Variants in TSPAN15 observed in about 807,000 individuals in gnomAD.
TSPAN15 encodes the protein tetraspanin 15, also known as tetraspanin-15.
TSPAN15 carries 20 observed loss-of-function variants against 34.5 expected under a neutral mutation model. The ratio of observed to expected loss-of-function variants is 0.58; its 90% CI spans 0.41 to 0.84. The LOEUF (loss-of-function observed/expected upper bound fraction) is 0.84, where lower values mean the gene tolerates loss of function less well. Among genes scored for constraint, TSPAN15 ranks in the 40% least tolerant of loss-of-function variants. The pLI is 0.00. For missense variants in TSPAN15, 313 were observed against 386.1 expected (o/e 0.81, Z 1.59); for synonymous variants, 155 against 153.9 (o/e 1.01, Z -0.05).
chr10:69,452,411 C>A (rs1478406758), intron 1 of TSPAN15, among the ~76,000 whole-genome samples: 1 of 152,088 alleles, frequency 6.6e-6, no homozygotes, highest in East Asian at 1.9e-4. Context: ...CTGTATCGTT[C>A]CAATTTCAGT....
chr10:69,534,543 A>G, the TSPAN15 span, among the ~76,000 whole-genome samples: 1 of 152,226 alleles, frequency 6.6e-6, no homozygotes, highest in Non-Finnish European at 1.5e-5. Context: ...TAGTATGACT[A>G]TTCTGATACT....
At chr10:69,540,218 C>G in the TSPAN15 span, among the ~76,000 whole-genome samples, 1,333 of 152,068 alleles carry the variant, frequency 8.8e-3, 15 homozygotes, top group African/African-American at 0.029. Context: ...CGGTGAAACC[C>G]CATCTCTACA....
intron 1 of TSPAN15, among the ~76,000 whole-genome samples, chr10:69,481,689 C>T (rs1841738260): frequency 6.6e-6 from 1 of 152,228 alleles, no homozygotes; most frequent in African/African-American, 2.4e-5. Flanking sequence ...TGGCTATGCT[C>T]ATGTCACCTC....
At chr10:69,480,131 C>G (rs896384212) in intron 1 of TSPAN15, among the ~76,000 whole-genome samples, 4 of 152,174 alleles carry the variant, frequency 2.6e-5, no homozygotes, top group African/African-American at 9.7e-5. Context: ...GAAGAAGCCA[C>G]TGACTGCCTT....
At chr10:69,486,067 G>A (rs763917150) in intron 3 of TSPAN15, among the ~76,000 whole-genome samples, 15 of 152,176 alleles carry the variant, frequency 9.9e-5, no homozygotes, top group Non-Finnish European at 1.8e-4. Context: ...CACCTTGGGC[G>A]AGTTACTTGG....
the TSPAN15 span, among the ~76,000 whole-genome samples, chr10:69,533,776 G>T: frequency 6.6e-6 from 1 of 152,228 alleles, no homozygotes; most frequent in South Asian, 2.1e-4. Context: ...TAGGGCTTGT[G>T]ATTGGCATCA....
intron 3 of TSPAN15, among the ~76,000 whole-genome samples, chr10:69,491,696 G>C (rs1841973223): frequency 6.6e-6 from 1 of 152,176 alleles, no homozygotes; most frequent in African/African-American, 2.4e-5. Context: ...GCCTGCACTA[G>C]GCCAGCAGCA....
At chr10:69,481,885 G>T (rs1337363389) in intron 1 of TSPAN15, among the ~76,000 whole-genome samples, 1 of 152,190 alleles carries the variant, frequency 6.6e-6, no homozygotes, top group Non-Finnish European at 1.5e-5. Context: ...AGGGGACTGG[G>T]TAGACAGTGC....
At chr10:69,531,709 A>G in the TSPAN15 span, among the ~76,000 whole-genome samples, 1 of 152,228 alleles carries the variant, frequency 6.6e-6, no homozygotes, top group South Asian at 2.1e-4. Context: ...CCTGCACAAA[A>G]GGTCAATAAA....
intron 1 of TSPAN15, among the ~76,000 whole-genome samples, chr10:69,467,143 A>C (rs736595): frequency 0.4 from 60,357 of 151,756 alleles, 12,470 homozygotes; most frequent in Non-Finnish European, 0.45. Flanking sequence ...AGGTGACAAG[A>C]GACCCTCCTT....
intron 1 of TSPAN15, among the ~76,000 whole-genome samples, chr10:69,480,428 C>T (rs933000796): frequency 2.6e-5 from 4 of 152,106 alleles, no homozygotes; most frequent in Admixed American, 6.5e-5. Context: ...GTTCGTTCCA[C>T]GACAGGGTGA....
downstream of TSPAN15, among the ~76,000 whole-genome samples, chr10:69,508,436 A>T (rs1842379198): frequency 1.1e-5 from 1 of 93,828 alleles, no homozygotes. Context: ...GTGAGACTCC[A>T]TCTCAAAAAA....
chr10:69,459,125 A>C (rs995062058), intron 1 of TSPAN15, among the ~76,000 whole-genome samples: 7,469 of 63,168 alleles, frequency 0.12, 271 homozygotes, highest in Non-Finnish European at 0.2. Context: ...AAAAAAAAAA[A>C]CAACAACAAA....
chr10:69,508,438 C>A (rs1842379241), downstream of TSPAN15, among the ~76,000 whole-genome samples: 3 of 40,184 alleles, frequency 7.5e-5, no homozygotes, highest in Non-Finnish European at 1.3e-4. Flanking sequence ...GAGACTCCAT[C>A]TCAAAAAAAA....
At chr10:69,507,980 A>G (rs1286829723), downstream of TSPAN15, among the ~76,000 whole-genome samples, 2 of 152,182 alleles carry the variant, frequency 1.3e-5, no homozygotes, top group Non-Finnish European at 2.9e-5. Context: ...CGCTCCCTGC[A>G]GCCCTCAGTG....
intron 3 of TSPAN15, among the ~76,000 whole-genome samples, chr10:69,493,196 G>A (rs146633042): frequency 1.7e-3 from 256 of 152,342 alleles, no homozygotes; most frequent in African/African-American, 5.7e-3. Context: ...CCTCTGGGAG[G>A]TGGGCCTGGG....
At chr10:69,519,700 G>T in the TSPAN15 span, among the ~76,000 whole-genome samples, 1 of 151,984 alleles carries the variant, frequency 6.6e-6, no homozygotes, top group African/African-American at 2.4e-5. Flanking sequence ...TTTTTATTGT[G>T]CTAAATATAT....
rs544751590 is a variant in TSPAN15 at position 69,495,317 on chromosome 10, C to G, written c.358-277C>G. ...AAGCACGGCCCCAGCCTCTCAGGGC[C>G]TGGGCTGTCTGGTCTGCAAAGGGAG... On this transcript the variant is annotated intron_variant, in intron 3 of 7. Coordinates refer to ENST00000373290, the MANE Select transcript of TSPAN15 (RefSeq NM_012339.5). 2.1e-5 allele frequency: 8 copies of G among 374,214 alleles called. No homozygotes were observed. In the South Asian group the frequency reaches 2.3e-4, roughly 11 times the overall value. The allele number at this position is 374,214 out of a possible 1,614,324, so 23.2% of individuals were successfully genotyped here. A position where few individuals can be genotyped will look rare whatever the true frequency, so the allele number is the denominator to read the frequency against.
intron 1 of TSPAN15, among the ~76,000 whole-genome samples, chr10:69,473,117 A>G (rs1212821754): frequency 2.0e-5 from 3 of 152,210 alleles, no homozygotes; most frequent in Non-Finnish European, 4.4e-5. Flanking sequence ...AGATATCCCT[A>G]TAGCTGGGGT....
Sources: allele counts gnomAD v4.1 joint callset (sites outside exome capture counted in the v4.1 genomes callset), GRCh38; gene constraint gnomAD v4.1.1; transcripts MANE v1.5; gene names NCBI Gene and HGNC (gene_info 2026-07-23, HGNC 2026-07-21).